DIPK1B: variants seen among roughly 807,000 people sequenced by gnomAD.
The protein encoded by DIPK1B is family with sequence similarity 69 member B.
A neutral mutation model predicts 20.7 loss-of-function variants in DIPK1B; 17 were observed. The ratio of observed to expected loss-of-function variants is 0.82; its 90% CI spans 0.56 to 1.23. DIPK1B has a LOEUF of 1.23. DIPK1B is among the 50% of genes most tolerant of loss of function. The probability of loss-of-function intolerance (pLI) is 0.00; values close to 1 mark genes in which losing one functional copy is unlikely to be tolerated. For synonymous variants in DIPK1B, 343 were observed against 276.5 expected, an observed-to-expected ratio of 1.24 and a Z score of -2.39; for missense variants, 648 against 601.8, an observed-to-expected ratio of 1.08 and a Z score of -0.80.
chr9:136,723,214 C>T lies in DIPK1B; in HGVS notation c.736C>T (p.Pro246Ser), dbSNP rs751219157. The change falls in exon 5 of 5, where the codon CCC (proline) becomes TCC (serine). Residue 246 changes from proline (P) to serine (S), a missense_variant. Physicochemically the swap from Pro to Ser is moderately conservative, Grantham distance 74. Coordinates refer to ENST00000371692, the MANE Select transcript of DIPK1B (RefSeq NM_152421.4). Reference sequence around the variant, plus strand: ...CGCCTGGCACGCGGCCGCCCTTCCACCCCTGTTGCGCCCACTGCTGCCGCC... The same window carrying T: ...CGCCTGGCACGCGGCCGCCCTTCCATCCCTGTTGCGCCCACTGCTGCCGCC... ...HGAWHAAALPPLLRPLLPPAL... is the reference protein window; with the variant it reads ...HGAWHAAALPSLLRPLLPPAL... 6.2e-7 allele frequency: 1 copy of T among 1,612,394 alleles called. No individual in the cohort carries two copies. The highest frequency in any genetic ancestry group is 1.1e-5 in the South Asian group (1 of 91,050).
rs908618048 is a variant in DIPK1B at position 136,724,522 on chromosome 9, G to T, written c.*748G>T. ...GGAGAACAGGCAAGGACCCTCGTGGGAAGATCCCACCACAGCAACACCTTT... is the reference window on the plus strand; with the variant it reads ...GGAGAACAGGCAAGGACCCTCGTGGTAAGATCCCACCACAGCAACACCTTT... On this transcript the variant is annotated 3_prime_UTR_variant, in exon 5 of 5. Coordinates refer to ENST00000371692, the MANE Select transcript of DIPK1B (RefSeq NM_152421.4). 2 of 152,294 alleles carry T rather than the reference G, an allele frequency of 1.3e-5. No homozygotes were observed. The highest frequency in any genetic ancestry group is 4.8e-5 in the African/African-American group (2 of 41,446). The allele number at this position is 152,294 out of a possible 1,614,324, so 9.4% of individuals were successfully genotyped here.
At chr9:136,717,817 C>A in intron 2 of DIPK1B, 106 bp downstream of exon 2, 7 of 1,526,582 alleles carry the variant, frequency 4.6e-6, no homozygotes, top group Non-Finnish European at 6.2e-6. Flanking sequence ...CCAGGGCCCA[C>A]GAGGCACGTG....
Position 136,724,101 on chromosome 9 carries a change from G to C in DIPK1B, c.*327G>C. ...TGTGTGGGACCCTTCGCCCCGCTGTGGATCCACCCAGCCCAGGCACTCAGG... is the reference window on the plus strand; with the variant it reads ...TGTGTGGGACCCTTCGCCCCGCTGTCGATCCACCCAGCCCAGGCACTCAGG... On this transcript the variant is annotated 3_prime_UTR_variant, in exon 5 of 5. Coordinates refer to ENST00000371692, the MANE Select transcript of DIPK1B (RefSeq NM_152421.4). The C allele has an allele frequency of 3.0e-6, 1 of 327,960 alleles. No individual in the cohort carries two copies. Among genetic ancestry groups the C allele is most frequent in the South Asian group, 2.8e-5 (1 of 35,694 alleles). The allele number at this position is 327,960 out of a possible 1,614,324, so 20.3% of individuals were successfully genotyped here. A position where few individuals can be genotyped will look rare whatever the true frequency, so the allele number is the denominator to read the frequency against.
At chr9:136,720,403 T>C (rs1846578965) in intron 2 of DIPK1B, among the ~76,000 whole-genome samples, 1 of 151,894 alleles carries the variant, frequency 6.6e-6, no homozygotes, top group East Asian at 1.9e-4. Context: ...GCAGCTCCCT[T>C]CCCCAGCTCC....
intron 2 of DIPK1B, among the ~76,000 whole-genome samples, chr9:136,720,265 G>A (rs575382330): frequency 3.9e-4 from 60 of 152,280 alleles, no homozygotes; most frequent in Non-Finnish European, 7.4e-4. Flanking sequence ...CGGGACAGAC[G>A]CTGCCTTCAT....
intron 4 of DIPK1B, 140 bp downstream of exon 4, chr9:136,722,441 C>A: frequency 9.7e-7 from 1 of 1,028,678 alleles, no homozygotes; most frequent in Non-Finnish European, 1.4e-6. Flanking sequence ...CATCCCCCAG[C>A]CCCTGGGCAT....
intron 2 of DIPK1B, among the ~76,000 whole-genome samples, chr9:136,719,955 T>G (rs6560644): frequency 0.26 from 31,400 of 119,172 alleles, 3,523 homozygotes; most frequent in African/African-American, 0.29. Flanking sequence ...CAGGGGGCTG[T>G]GTGGGCTGGG....
chr9:136,723,973 GGA>G lies in DIPK1B; in HGVS notation c.*203_*204del, dbSNP rs532555483. On this transcript the variant is annotated 3_prime_UTR_variant, in exon 5 of 5. Transcript: ENST00000371692. Reference sequence around the variant, plus strand: ...AAAGGCGGACATGGACATCCCGGCAGGAGAGTCCTCCAAGGGGGTTTGTTACT... The same window carrying G: ...AAAGGCGGACATGGACATCCCGGCAGGAGTCCTCCAAGGGGGTTTGTTACT... 1.6e-4 allele frequency: 101 copies of G among 614,186 alleles called. 1 individual carries two copies. The South Asian group carries it at 1.9e-3, about 12-fold the overall frequency. The allele number at this position is 614,186 out of a possible 1,614,324, so 38.0% of individuals were successfully genotyped here.
At position 136,714,331 on chromosome 9, in the gene DIPK1B, GAAC is replaced by G. The variant is rs200942999; in HGVS notation, c.63+1613_63+1615del. ...AACACAGCAAGACCCTGTCTCAAAA[GAAC>G]AACAACAACGAAAGAGCTGGGGGAT... On this transcript the variant is annotated intron_variant, in intron 1 of 4. Coordinates refer to ENST00000371692, the MANE Select transcript of DIPK1B (RefSeq NM_152421.4). 1.4e-3 allele frequency among the ~76,000 whole-genome samples: 215 copies of G among 152,320 alleles called. 5 individuals are homozygous for G. The East Asian group carries it at 0.038, about 27-fold the overall frequency.
At chr9:136,719,218 G>A (rs545569126) in intron 2 of DIPK1B, among the ~76,000 whole-genome samples, 9 of 152,234 alleles carry the variant, frequency 5.9e-5, no homozygotes, top group East Asian at 3.9e-4. Context: ...ACTGGGTGCC[G>A]GGCCGCAAAG....
intron 2 of DIPK1B, among the ~76,000 whole-genome samples, chr9:136,720,524 G>C (rs537975393): frequency 6.6e-6 from 1 of 152,186 alleles, no homozygotes; most frequent in Admixed American, 6.5e-5. Flanking sequence ...CCCGTGGGGC[G>C]CTGGGATTGA....
intron 1 of DIPK1B, among the ~76,000 whole-genome samples, chr9:136,714,674 A>G (rs1846472369): frequency 6.6e-6 from 1 of 152,244 alleles, no homozygotes; most frequent in African/African-American, 2.4e-5. Context: ...TGCCGGAAAC[A>G]GATTCAGTGC....
rs1022317490 is a variant in DIPK1B at position 136,723,157 on chromosome 9, G to T, written c.679G>T (p.Asp227Tyr). The change falls in exon 5 of 5, where the codon GAC becomes TAC. Residue 227 changes from aspartate (D) to tyrosine (Y), a missense_variant. Coordinates refer to ENST00000371692, the MANE Select transcript of DIPK1B (RefSeq NM_152421.4). ...CTCCAGACTGCTGGGCTACTGTGGG[G>T]ACCTCTACCTCACCGAGGGCGTGCC... ...HASRLLGYCG[D>Y]LYLTEGVPHG... 2 of 1,613,336 alleles carry T rather than the reference G, an allele frequency of 1.2e-6. No homozygotes were observed. Among genetic ancestry groups the T allele is most frequent in the Admixed American group, 1.7e-5 (1 of 60,022 alleles).
chr9:136,716,101 G>A (rs1337392708), intron 1 of DIPK1B, among the ~76,000 whole-genome samples: 2 of 151,826 alleles, frequency 1.3e-5, no homozygotes, highest in Non-Finnish European at 2.9e-5. Context: ...TCTTGTCCTG[G>A]GGCTCCTCCC....
chr9:136,723,805 T>G lies in DIPK1B; in HGVS notation c.*31T>G, dbSNP rs1198707339. ...CAGTGAGGGGCCTGGCCACCCTTCCTGGAGCTGGCCAGGTGCCAGGGTCCA... is the reference window on the plus strand; with the variant it reads ...CAGTGAGGGGCCTGGCCACCCTTCCGGGAGCTGGCCAGGTGCCAGGGTCCA... On this transcript the variant is annotated 3_prime_UTR_variant, in exon 5 of 5. Transcript: ENST00000371692. 1.3e-6 allele frequency: 2 copies of G among 1,524,650 alleles called. No homozygotes were observed. The highest frequency in any genetic ancestry group is 2.4e-5 in the South Asian group (2 of 83,374). 94.4% of individuals were successfully genotyped at this position (1,524,650 alleles called of 1,614,324 possible). A position where few individuals can be genotyped will look rare whatever the true frequency, so the allele number is the denominator to read the frequency against.
chr9:136,719,415 T>C (rs1846554519), intron 2 of DIPK1B, among the ~76,000 whole-genome samples: 1 of 152,144 alleles, frequency 6.6e-6, no homozygotes, highest in African/African-American at 2.4e-5. Context: ...GGAGGTTCCC[T>C]GCCCGGCCTC....
Position 136,723,933 on chromosome 9 carries a change from AC to A in DIPK1B, c.*163del. The A allele has an allele frequency of 1.3e-6, 1 of 761,616 alleles. No homozygotes were observed. Among genetic ancestry groups the A allele is most frequent in the Non-Finnish European group, 2.1e-6 (1 of 484,098 alleles). 47.2% of individuals were successfully genotyped at this position (761,616 alleles called of 1,614,324 possible). ...TGGATTCCAGCACCACAGACATGAG[AC>A]CCCAGCTCGGAGCAAAGGCGGACAT... On this transcript the variant is annotated 3_prime_UTR_variant, in exon 5 of 5. Coordinates refer to ENST00000371692, the MANE Select transcript of DIPK1B (RefSeq NM_152421.4).
At position 136,712,771 on chromosome 9, in the gene DIPK1B, G is replaced by T. The variant is rs561599415; in HGVS notation, c.63+43G>T. On this transcript the variant is annotated intron_variant, in intron 1 of 4. Transcript: ENST00000371692. The surrounding 1 kb of genome is among the most constrained non-coding windows in gnomAD (Gnocchi z 5.6). ...CCGCCGCCCCCGGCCGCCTCTGCCT[G>T]GGGAGGCCGAGCTCCAGCCCCGGAG... The T allele has an allele frequency of 4.7e-6, 6 of 1,285,600 alleles. No individual in the cohort carries two copies. Among genetic ancestry groups the T allele is most frequent in the Non-Finnish European group, 5.9e-6 (6 of 1,016,200 alleles). 79.6% of individuals were successfully genotyped at this position (1,285,600 alleles called of 1,614,324 possible). A position where few individuals can be genotyped will look rare whatever the true frequency, so the allele number is the denominator to read the frequency against.
intron 1 of DIPK1B, among the ~76,000 whole-genome samples, chr9:136,715,367 C>T (rs181892860): frequency 1.4e-4 from 21 of 152,316 alleles, no homozygotes; most frequent in African/African-American, 4.8e-4. Context: ...AGGCCTGCAC[C>T]CTAGAGCCGG....
Sources: gnomAD v4.1 joint callset for allele counts (sites outside exome capture counted in the v4.1 genomes callset) on GRCh38, gnomAD v4.1.1 for gene constraint, Gnocchi (gnomAD v3.1) non-coding constraint, MANE v1.5 for transcripts, NCBI Gene and HGNC (gene_info 2026-07-23, HGNC 2026-07-21) for gene names.